SLC25A22: variants seen among roughly 807,000 people sequenced by gnomAD.
SLC25A22 encodes solute carrier family 25 member 22, also known as mitochondrial glutamate carrier 1.
A neutral mutation model predicts 33.7 loss-of-function variants in SLC25A22; 23 were observed. The observed-to-expected ratio is 0.68, with a 90% confidence interval of 0.49 to 0.97. The LOEUF (loss-of-function observed/expected upper bound fraction) is 0.97. SLC25A22 is among the 50% of genes least tolerant of loss of function. The pLI is 0.00. For missense variants in SLC25A22, 390 were observed against 451.1 expected (o/e 0.86, Z 1.23); for synonymous variants, 245 against 203.8 (o/e 1.20, Z -1.72).
chr11:790,676 A>C lies in SLC25A22; in HGVS notation c.*1239T>G, dbSNP rs1365928953. On this transcript the variant is annotated 3_prime_UTR_variant, in exon 10 of 10. Transcript: ENST00000628067. ...CTGAGCCCCAGGTAGTGTCGCTGGGAAGGGGCCTCTGTGGAGGGCCCCGGT... is the reference window on the plus strand; with the variant it reads ...CTGAGCCCCAGGTAGTGTCGCTGGGCAGGGGCCTCTGTGGAGGGCCCCGGT... 1 of 152,226 alleles carries C rather than the reference A, an allele frequency of 6.6e-6. No homozygotes were observed. The highest frequency in any genetic ancestry group is 1.9e-4 in the East Asian group (1 of 5,190). The allele number at this position is 152,226 out of a possible 1,614,324, so 9.4% of individuals were successfully genotyped here. A position where few individuals can be genotyped will look rare whatever the true frequency, so the allele number is the denominator to read the frequency against.
Position 792,897 on chromosome 11 carries a change from T to G in SLC25A22, c.385A>C (p.Ile129Leu). 6.4e-7 allele frequency: 1 copy of G among 1,562,160 alleles called. No individual in the cohort carries two copies. Among genetic ancestry groups the G allele is most frequent in the Non-Finnish European group, 8.7e-7 (1 of 1,148,900 alleles). Residue 129 changes from isoleucine to leucine, a missense_variant, in exon 6 of 10, where the codon ATC becomes CTC. Physicochemically the swap from Ile to Leu is conservative, Grantham distance 5. Transcript: ENST00000628067. ...IVTTPMEMLK[I>L]QLQDAGRIAA... ...ATGCGCCCTGCATCCTGCAGCTGGA[T>G]CTTCAGCATCTCCATGGGCGTGGTC... is the stretch of plus-strand genomic sequence containing the variant.
At position 791,616 on chromosome 11, in the gene SLC25A22, G is replaced by C. The variant is rs1864519983; in HGVS notation, c.*299C>G. 1 of 468,786 alleles carries C rather than the reference G, an allele frequency of 2.1e-6. No individual in the cohort carries two copies. Among genetic ancestry groups the C allele is most frequent in the Admixed American group, 3.7e-5 (1 of 27,058 alleles). The allele number at this position is 468,786 out of a possible 1,614,324, so 29.0% of individuals were successfully genotyped here. On this transcript the variant is annotated 3_prime_UTR_variant, in exon 10 of 10. Transcript: ENST00000628067. ...CAGGCCCGGGGGCCCCCAGCCCAGA[G>C]ACCAGCTCTGTCCCTGGGGGTGTTC...
Position 794,888 on chromosome 11 carries a change from G to C in SLC25A22, c.34C>G (p.Leu12Val). The C allele has an allele frequency of 6.4e-7, 1 of 1,565,958 alleles. No individual in the cohort carries two copies. The highest frequency in any genetic ancestry group is 2.3e-5 in the East Asian group (1 of 42,606). Residue 12 changes from leucine to valine, a missense_variant, in exon 3 of 10, where the codon CTC (leucine) becomes GTC (valine). Transcript: ENST00000628067. ...ADKQISLPAK[L>V]INGGIAGLIG... ...AGCCCGGCGATGCCGCCATTGATGA[G>C]CTTGGCTGGCAGGCTGTGTGGACAG...
intron 1 of SLC25A22, chr11:795,371 CCCCT>C (rs1864756770): frequency 1.1e-5 from 3 of 260,954 alleles, no homozygotes; most frequent in Non-Finnish European, 1.4e-5. Context: ...TTTCAGTCCC[CCCCT>C]CCCCACCGCC....
chr11:793,818 G>A, intron 4 of SLC25A22, 199 bp from the exon 5 acceptor site: 1 of 613,650 alleles, frequency 1.6e-6, no homozygotes, highest in Non-Finnish European at 2.9e-6. Flanking sequence ...TCAGGCTCAG[G>A]CTCTCCCATG....
At chr11:793,114 GTACAGCCCCCAGCCTCCGCCA>G in intron 5 of SLC25A22, 126 bp from the exon 6 acceptor site, 2 of 898,584 alleles carry the variant, frequency 2.2e-6, no homozygotes, top group Non-Finnish European at 3.5e-6. Context: ...GCCTGTGGGG[GTACAGCCCCCAGCCTCCGCCA>G]CTGCAGCAGC....
intron 4 of SLC25A22, chr11:794,244 G>A: frequency 1.4e-6 from 1 of 711,052 alleles, no homozygotes; most frequent in South Asian, 1.5e-5. Context: ...CAGGCACTAA[G>A]TGGGGGTGGG....
chr11:795,519 A>G (rs928618713), intron 1 of SLC25A22: 7 of 323,890 alleles, frequency 2.2e-5, no homozygotes, highest in African/African-American at 1.5e-4. Context: ...CTACCGGAGC[A>G]CCTCGACCTG....
intron 4 of SLC25A22, chr11:794,203 A>C: frequency 2.9e-6 from 2 of 697,146 alleles, no homozygotes; most frequent in East Asian, 5.4e-5. Context: ...CCACCAGAGA[A>C]GAGACAGATG....
chr11:791,782 A>G lies in SLC25A22; in HGVS notation c.*133T>C, dbSNP rs1255339660. 2.3e-6 allele frequency: 3 copies of G among 1,282,600 alleles called. No individual in the cohort carries two copies. In the Admixed American group the frequency reaches 7.7e-5, roughly 33 times the overall value. The allele number at this position is 1,282,600 out of a possible 1,614,324, so 79.5% of individuals were successfully genotyped here. The stretch of plus-strand genomic sequence containing the variant: ...TGTGCACCACCTATGTGGACCCTGC[A>G]CCCTGCCCCCTGCTGCCCCTGCCGA... On this transcript the variant is annotated 3_prime_UTR_variant, in exon 10 of 10. Transcript: ENST00000628067.
At chr11:797,572 G>C (rs180700145) in intron 1 of SLC25A22, 3 of 398,576 alleles carry the variant, frequency 7.5e-6, no homozygotes, top group South Asian at 1.3e-4. Flanking sequence ...ATCTGCAGGG[G>C]TAAAATCCTC....
At chr11:797,970 A>G (rs1171741294) in intron 1 of SLC25A22, 3 of 398,236 alleles carry the variant, frequency 7.5e-6, no homozygotes, top group Non-Finnish European at 1.3e-5. Context: ...CGGGCCCCGG[A>G]CACCCACCCT....
chr11:792,892 C>G lies in SLC25A22; in HGVS notation c.390G>C (p.Gln130His). Residue 130 changes from glutamine to histidine, a missense_variant, in exon 6 of 10, where the codon CAG becomes CAC. Coordinates refer to ENST00000628067, the MANE Select transcript of SLC25A22 (RefSeq NM_001191061.2). ...CACCAATGCGCCCTGCATCCTGCAG[C>G]TGGATCTTCAGCATCTCCATGGGCG... Reference protein sequence around the residue: ...VTTPMEMLKIQLQDAGRIAAQ... With the variant: ...VTTPMEMLKIHLQDAGRIAAQ... 1 of 1,582,996 alleles carries G rather than the reference C, an allele frequency of 6.3e-7. No homozygotes were observed. Among genetic ancestry groups the G allele is most frequent in the Non-Finnish European group, 8.6e-7 (1 of 1,161,388 alleles).
At chr11:794,045 A>C (rs1230731840) in intron 4 of SLC25A22, 1 of 477,560 alleles carries the variant, frequency 2.1e-6, no homozygotes, top group Admixed American at 3.1e-5. Flanking sequence ...CCCCCATCTC[A>C]GTGCCGAAGG....
In SLC25A22 at chr11:791,732, C is replaced by A; in HGVS notation, c.*183G>T. 1 of 730,280 alleles carries A rather than the reference C, an allele frequency of 1.4e-6. No homozygotes were observed. The allele number at this position is 730,280 out of a possible 1,614,324, so 45.2% of individuals were successfully genotyped here. A position where few individuals can be genotyped will look rare whatever the true frequency, so the allele number is the denominator to read the frequency against. ...AAATGAGACATTGATCCCAACGGTG[C>A]AGGCAGCACCCCGGGGGGCTTGCGT... On this transcript the variant is annotated 3_prime_UTR_variant, in exon 10 of 10. Transcript: ENST00000628067.
chr11:793,517 C>T lies in SLC25A22; in HGVS notation c.293+12G>A. 2 of 1,613,338 alleles carry T rather than the reference C, an allele frequency of 1.2e-6. No homozygotes were observed. Among genetic ancestry groups the T allele is most frequent in the Non-Finnish European group, 1.7e-6 (2 of 1,179,826 alleles). ...AAAGACCCCTCGAGTGTCTGCCAGG[C>T]AGAACCCTCACCCGTCCTTAGAGAG... On this transcript the variant is annotated intron_variant, in intron 5 of 9. Coordinates refer to ENST00000628067, the MANE Select transcript of SLC25A22 (RefSeq NM_001191061.2).
Position 792,428 on chromosome 11 carries a change from C to T in SLC25A22, c.618G>A (p.Pro206=), listed in dbSNP as rs150544061. ...CCAGCTGGTTCAGGTTGGCAAAGAG[C>T]GGGAAGTACACCACAGAGAAGGGGA... ...RDVPFSVVYF[P]LFANLNQLGR... Residue 206 remains proline (P), a synonymous_variant, in exon 8 of 10, where the codon CCG becomes CCA. Transcript: ENST00000628067. 3.2e-3 allele frequency: 5,147 copies of T among 1,613,360 alleles called. 146 individuals carry two copies. In the South Asian group the frequency reaches 0.04, roughly 13 times the overall value.
rs145322467 is a variant in SLC25A22 at position 792,570 on chromosome 11, G to C, written c.570C>G (p.Leu190=). 1.9e-6 allele frequency: 3 copies of C among 1,611,876 alleles called. No individual in the cohort carries two copies. Among genetic ancestry groups the C allele is most frequent in the African/African-American group, 2.7e-5 (2 of 74,792 alleles). Residue 190 remains leucine, a synonymous_variant, in exon 7 of 10, where the codon CTC becomes CTG. Coordinates refer to ENST00000628067, the MANE Select transcript of SLC25A22 (RefSeq NM_001191061.2). ...CCTCCTACCTGAGCAGCGTGGCCCC[G>C]AGTCCCTTGTAGAGACCGGCAATGC... The part of the protein sequence containing the change: ...SRGIAGLYKG[L]GATLLRDVPF...
rs376015598 is a variant in SLC25A22 at position 792,735 on chromosome 11, C to T, written c.413-8G>A. The T allele has an allele frequency of 3.9e-6, 6 of 1,545,210 alleles. No individual in the cohort carries two copies. The highest frequency in any genetic ancestry group is 1.2e-5 in the South Asian group (1 of 85,120). ...GGATCTTCCTCTGGGCGGCTGGGGA[C>T]AAAGAGGCTGCTGTCTCCTCTTCTG... On this transcript the variant is annotated splice_polypyrimidine_tract_variant and splice_region_variant and intron_variant, in intron 6 of 9. Coordinates refer to ENST00000628067, the MANE Select transcript of SLC25A22 (RefSeq NM_001191061.2).
Sources: allele counts gnomAD v4.1 joint callset, GRCh38; gene constraint gnomAD v4.1.1; transcripts MANE v1.5; gene names NCBI Gene and HGNC (gene_info 2026-07-23, HGNC 2026-07-21).